C5orf47: variants seen among roughly 807,000 people sequenced by gnomAD.
The protein encoded by C5orf47 is uncharacterized protein C5orf47.
In C5orf47, 20 loss-of-function variants were observed where a neutral mutation model predicts 20.6. The ratio of observed to expected loss-of-function variants is 0.97; its 90% CI spans 0.68 to 1.41. C5orf47 has a LOEUF of 1.41. C5orf47 is among the 40% of genes most tolerant of loss of function. The pLI, the probability that C5orf47 is intolerant of heterozygous loss-of-function variation, is 0.00. For missense variants in C5orf47, 262 were observed against 238.4 expected, an observed-to-expected ratio of 1.10 and a Z score of -0.65; for synonymous variants, 106 against 97.3, an observed-to-expected ratio of 1.09 and a Z score of -0.53.
chr5:174,004,398 A>G lies in C5orf47; in HGVS notation c.*144A>G, dbSNP rs1211356664. 1 of 152,218 alleles carries G rather than the reference A, an allele frequency of 6.6e-6. No individual in the cohort carries two copies. The highest frequency in any genetic ancestry group is 1.5e-5 in the Non-Finnish European group (1 of 68,026). 9.4% of individuals were successfully genotyped at this position (152,218 alleles called of 1,614,324 possible). A position where few individuals can be genotyped will look rare whatever the true frequency, so the allele number is the denominator to read the frequency against. On this transcript the variant is annotated 3_prime_UTR_variant, in exon 5 of 5. Coordinates refer to ENST00000340147, the MANE Select transcript of C5orf47 (RefSeq NM_001144954.2). ...AGAATTGGGACTTTAGTAGTCGAAC[A>G]GAAAAATTACCTTCTTTATAAATTA...
Position 174,000,563 on chromosome 5 carries a change from T to C in C5orf47, c.512-633T>C, listed in dbSNP as rs187270743. ...TTCTGTGAGTTCTTAGTACGGTCATTCTATGGCAACTTCTATTTCATAGTC... is the reference window on the plus strand; with the variant it reads ...TTCTGTGAGTTCTTAGTACGGTCATCCTATGGCAACTTCTATTTCATAGTC... On this transcript the variant is annotated intron_variant, in intron 3 of 4. Coordinates refer to ENST00000340147, the MANE Select transcript of C5orf47 (RefSeq NM_001144954.2). Among the ~76,000 whole-genome samples the C allele has an allele frequency of 2.1e-4, 32 of 152,266 alleles. 1 individual carries two copies. The highest frequency in any genetic ancestry group is 1.4e-3 in the Admixed American group (22 of 15,278).
At chr5:173,996,828 C>T (rs182838763) in intron 1 of C5orf47, among the ~76,000 whole-genome samples, 6 of 152,108 alleles carry the variant, frequency 3.9e-5, no homozygotes, top group East Asian at 1.9e-4. Context: ...CGAAGGGAGA[C>T]GACCAAGTCT....
chr5:173,993,214 G>GT (rs894744672), intron 1 of C5orf47, among the ~76,000 whole-genome samples: 1 of 152,072 alleles, frequency 6.6e-6, no homozygotes, highest in Non-Finnish European at 1.5e-5. Context: ...GCAATTTAAT[G>GT]TTTTTTTCTC....
chr5:173,999,885 T>A, intron 3 of C5orf47, 86 bp downstream of exon 3: 1 of 653,756 alleles, frequency 1.5e-6, no homozygotes, highest in Non-Finnish European at 2.6e-6. Flanking sequence ...ATCAGTAGTT[T>A]TCTTAATTGT....
intron 1 of C5orf47, among the ~76,000 whole-genome samples, chr5:173,991,546 CAG>C (rs1016442193): frequency 2.7e-4 from 40 of 149,030 alleles, no homozygotes; most frequent in African/African-American, 9.1e-4. Context: ...TGATTTTTGT[CAG>C]AGGGTTTCTC....
At chr5:173,992,459 A>G (rs1759016206) in intron 1 of C5orf47, among the ~76,000 whole-genome samples, 1 of 151,984 alleles carries the variant, frequency 6.6e-6, no homozygotes, top group African/African-American at 2.4e-5. Context: ...TTGTTTCTCT[A>G]GTCTCTTCCT....
intron 3 of C5orf47, 57 bp downstream of exon 3, chr5:173,999,856 T>C (rs1287754713): frequency 2.3e-6 from 2 of 866,374 alleles, no homozygotes; most frequent in Admixed American, 5.1e-5. Context: ...ACAGTTTAGT[T>C]ATCCTGGGAT....
At chr5:173,989,627 G>A (rs796530204) in intron 1 of C5orf47, 39 bp downstream of exon 1, 39 of 1,360,666 alleles carry the variant, frequency 2.9e-5, no homozygotes, top group Non-Finnish European at 3.6e-5. Flanking sequence ...GCGCGGCGGG[G>A]CGGGACGGGG....
At chr5:174,003,046 T>C (rs1240558282) in intron 4 of C5orf47, among the ~76,000 whole-genome samples, 2 of 152,198 alleles carry the variant, frequency 1.3e-5, no homozygotes, top group Non-Finnish European at 2.9e-5. Flanking sequence ...TTATGTGATC[T>C]TCACTGATCC....
In C5orf47 at chr5:174,004,523, T is replaced by C. The variant is rs1418158535; in HGVS notation, c.*269T>C. On this transcript the variant is annotated 3_prime_UTR_variant, in exon 5 of 5. Transcript: ENST00000340147. ...GAATTAATGCTTATTCTACATACTT[T>C]TAAATTAACCTCATACATAAAATTA... 1.3e-5 allele frequency: 2 copies of C among 152,416 alleles called. No homozygotes were observed. The highest frequency in any genetic ancestry group is 4.1e-4 in the South Asian group (2 of 4,834). The allele number at this position is 152,416 out of a possible 1,614,324, so 9.4% of individuals were successfully genotyped here.
At chr5:173,995,325 G>A (rs1002272379) in intron 1 of C5orf47, among the ~76,000 whole-genome samples, 1 of 152,214 alleles carries the variant, frequency 6.6e-6, no homozygotes, top group Non-Finnish European at 1.5e-5. Context: ...TATGAGTGTT[G>A]TAAGAGTGAG....
chr5:173,992,227 T>C (rs997869205), intron 1 of C5orf47, among the ~76,000 whole-genome samples: 1 of 145,370 alleles, frequency 6.9e-6, no homozygotes, highest in African/African-American at 2.8e-5. Flanking sequence ...TTGACTATTT[T>C]GTTAATTTTT....
chr5:174,001,052 A>G, intron 3 of C5orf47, 144 bp from the exon 4 acceptor site: 2 of 637,492 alleles, frequency 3.1e-6, no homozygotes, highest in East Asian at 2.9e-5. Context: ...ACAGTGTTAA[A>G]CTACATTACA....
chr5:174,004,890 T>A lies in C5orf47; in HGVS notation c.*636T>A, dbSNP rs958492391. On this transcript the variant is annotated 3_prime_UTR_variant, in exon 5 of 5. Coordinates refer to ENST00000340147, the MANE Select transcript of C5orf47 (RefSeq NM_001144954.2). ...TAATATGGAGTATTTTAGGAAAATTTTTGGGCAAAGATCAGAGGAGATGCC... is the reference window on the plus strand; with the variant it reads ...TAATATGGAGTATTTTAGGAAAATTATTGGGCAAAGATCAGAGGAGATGCC... 1 of 152,118 alleles carries A rather than the reference T, an allele frequency of 6.6e-6. No individual in the cohort carries two copies. The highest frequency in any genetic ancestry group is 1.5e-5 in the Non-Finnish European group (1 of 67,996). The allele number at this position is 152,118 out of a possible 1,614,324, so 9.4% of individuals were successfully genotyped here. A position where few individuals can be genotyped will look rare whatever the true frequency, so the allele number is the denominator to read the frequency against.
In C5orf47 at chr5:173,989,186, C is replaced by T; in HGVS notation, c.-78C>T. 7.8e-7 allele frequency: 1 copy of T among 1,283,374 alleles called. No individual in the cohort carries two copies. Among genetic ancestry groups the T allele is most frequent in the Non-Finnish European group, 9.9e-7 (1 of 1,007,818 alleles). 79.5% of individuals were successfully genotyped at this position (1,283,374 alleles called of 1,614,324 possible). A position where few individuals can be genotyped will look rare whatever the true frequency, so the allele number is the denominator to read the frequency against. On this transcript the variant is annotated 5_prime_UTR_variant, in exon 1 of 5. Coordinates refer to ENST00000340147, the MANE Select transcript of C5orf47 (RefSeq NM_001144954.2). ...TCTGGCCCTAACCGCTCCCGCATCCCTCGCCTGCACAGTGGGCAGTCTGGC... is the reference window on the plus strand; with the variant it reads ...TCTGGCCCTAACCGCTCCCGCATCCTTCGCCTGCACAGTGGGCAGTCTGGC...
intron 1 of C5orf47, among the ~76,000 whole-genome samples, chr5:173,996,855 AC>A (rs1329605159): frequency 6.6e-6 from 1 of 152,212 alleles, no homozygotes; most frequent in East Asian, 1.9e-4. Context: ...AGTCTTAATA[AC>A]ATACTGGTAC....
chr5:174,006,635 A>G (rs1759297279), downstream of C5orf47, among the ~76,000 whole-genome samples: 1 of 152,184 alleles, frequency 6.6e-6, no homozygotes, highest in South Asian at 2.1e-4. Context: ...TAGTGAAATA[A>G]TGGTCTTGAG....
intron 1 of C5orf47, among the ~76,000 whole-genome samples, chr5:173,991,677 G>A (rs932407065): frequency 6.6e-6 from 1 of 152,092 alleles, no homozygotes; most frequent in East Asian, 1.9e-4. Context: ...CTTGGTTTTG[G>A]TGTGTAATTT....
Position 174,005,587 on chromosome 5 carries a change from T to C in C5orf47, c.*1333T>C, listed in dbSNP as rs1415189640. The C allele has an allele frequency of 2.0e-5, 3 of 152,310 alleles. No homozygotes were observed. In the East Asian group the frequency reaches 5.6e-4, roughly 29 times the overall value. The allele number at this position is 152,310 out of a possible 1,614,324, so 9.4% of individuals were successfully genotyped here. ...AGGGTCACACAACTTCTTTATATTA[T>C]GCTGGGTAAATTTCAGGCTGCTAAA... On this transcript the variant is annotated 3_prime_UTR_variant, in exon 5 of 5. Coordinates refer to ENST00000340147, the MANE Select transcript of C5orf47 (RefSeq NM_001144954.2).
Sources: gnomAD v4.1 joint callset for allele counts (sites outside exome capture counted in the v4.1 genomes callset) on GRCh38, gnomAD v4.1.1 for gene constraint, MANE v1.5 for transcripts, NCBI Gene and HGNC (gene_info 2026-07-23, HGNC 2026-07-21) for gene names.